Variants in PPFIA2 observed in about 807,000 individuals in gnomAD.
PPFIA2 encodes liprin-alpha-2.
A neutral mutation model predicts 175.5 loss-of-function variants in PPFIA2; 46 were observed. That is an observed-to-expected ratio of 0.26 (90% CI 0.21 to 0.34). The LOEUF (loss-of-function observed/expected upper bound fraction) is 0.34, where lower values mean the gene tolerates loss of function less well. PPFIA2 is among the 10% of genes least tolerant of loss of function. The probability of loss-of-function intolerance (pLI) is 1.00; values close to 1 mark genes in which losing one functional copy is unlikely to be tolerated. For synonymous variants in PPFIA2, 568 were observed against 511.4 expected, an observed-to-expected ratio of 1.11 and a Z score of -1.49; for missense variants, 1,179 against 1,506.1, an observed-to-expected ratio of 0.78 and a Z score of 3.60.
At chr12:81,351,026 G>A (rs2059914977) in intron 17 of PPFIA2, among the ~76,000 whole-genome samples, 1 of 152,220 alleles carries the variant, frequency 6.6e-6, no homozygotes, top group Admixed American at 6.5e-5. Flanking sequence ...CATCACTGGG[G>A]TTAGTCAAGG....
chr12:81,691,754 T>C (rs1434641464), intron 3 of PPFIA2, among the ~76,000 whole-genome samples: 1 of 152,066 alleles, frequency 6.6e-6, no homozygotes, highest in African/African-American at 2.4e-5. Flanking sequence ...TAATTAGCTG[T>C]GGAAAGGAGA....
chr12:81,514,899 A>G (rs2062216497), intron 4 of PPFIA2, among the ~76,000 whole-genome samples: 1 of 151,910 alleles, frequency 6.6e-6, no homozygotes, highest in African/African-American at 2.4e-5. Flanking sequence ...TTATGCTTTT[A>G]TTATAGAGAA....
At chr12:81,741,692 G>T (rs2082343475) in intron 3 of PPFIA2, among the ~76,000 whole-genome samples, 1 of 151,316 alleles carries the variant, frequency 6.6e-6, no homozygotes, top group Admixed American at 6.6e-5. Context: ...TTTATGTGTG[G>T]CCCAAGACAA....
intron 3 of PPFIA2, among the ~76,000 whole-genome samples, chr12:81,713,666 G>A (rs978620422): frequency 1.3e-5 from 2 of 151,096 alleles, no homozygotes; most frequent in African/African-American, 4.8e-5. Context: ...TGTGCTAGTG[G>A]TGTCTCATAG....
At chr12:81,720,607 AAT>A (rs1355894883) in intron 3 of PPFIA2, among the ~76,000 whole-genome samples, 1 of 151,306 alleles carries the variant, frequency 6.6e-6, no homozygotes, top group Non-Finnish European at 1.5e-5. Flanking sequence ...CTGTGACTCA[AAT>A]TAGGCTGCCT....
At chr12:81,731,576 C>G (rs1356023813) in intron 3 of PPFIA2, among the ~76,000 whole-genome samples, 1 of 151,540 alleles carries the variant, frequency 6.6e-6, no homozygotes, top group Non-Finnish European at 1.5e-5. Context: ...TTTAAAGACA[C>G]TTCAGTTAAT....
At chr12:81,443,660 T>C (rs887514005) in intron 6 of PPFIA2, among the ~76,000 whole-genome samples, 5 of 152,078 alleles carry the variant, frequency 3.3e-5, no homozygotes, top group African/African-American at 1.2e-4. Flanking sequence ...TATGGGACCA[T>C]CTCAAATCAT....
intron 4 of PPFIA2, chr12:81,505,986 G>T (rs2061125828): frequency 6.6e-6 from 1 of 152,210 alleles, no homozygotes; most frequent in African/African-American, 2.4e-5. Context: ...AAGAAGACCA[G>T]AGCAGGGCTG....
intron 4 of PPFIA2, among the ~76,000 whole-genome samples, chr12:81,603,776 AT>A: frequency 6.7e-6 from 1 of 148,214 alleles, no homozygotes. Flanking sequence ...GAACATTGAT[AT>A]TTAAGAAAGT....
intron 27 of PPFIA2, among the ~76,000 whole-genome samples, chr12:81,277,684 CTT>C (rs1263458901): frequency 1.3e-5 from 2 of 152,132 alleles, no homozygotes; most frequent in Non-Finnish European, 2.9e-5. Context: ...ATCTATGTGT[CTT>C]TGTCTTTCAT....
At chr12:81,520,392 T>G (rs2062974986) in intron 4 of PPFIA2, among the ~76,000 whole-genome samples, 1 of 152,172 alleles carries the variant, frequency 6.6e-6, no homozygotes, top group South Asian at 2.1e-4. Flanking sequence ...ATTTCTGGAA[T>G]TTTCCATTTA....
chr12:81,478,196 T>C (rs181339619), intron 4 of PPFIA2, among the ~76,000 whole-genome samples: 2 of 152,336 alleles, frequency 1.3e-5, no homozygotes, highest in South Asian at 2.1e-4. Flanking sequence ...TTTATTTGCA[T>C]AGAGATGTTT....
At chr12:81,298,505 T>A (rs2047035749) in intron 23 of PPFIA2, 1 of 152,216 alleles carries the variant, frequency 6.6e-6, no homozygotes, top group African/African-American at 2.4e-5. Context: ...TAATTACCTC[T>A]GGCAGGCAAG....
chr12:81,515,682 T>C (rs926134891), intron 4 of PPFIA2, among the ~76,000 whole-genome samples: 1 of 152,084 alleles, frequency 6.6e-6, no homozygotes, highest in Admixed American at 6.6e-5. Flanking sequence ...CTTCAAAACT[T>C]ACCTCCCCCA....
intron 22 of PPFIA2, among the ~76,000 whole-genome samples, chr12:81,311,329 A>G (rs1380228945): frequency 3.9e-5 from 6 of 152,196 alleles, no homozygotes; most frequent in African/African-American, 1.4e-4. Context: ...GGCTCTCTAT[A>G]TGTAAAAGCT....
intron 7 of PPFIA2, among the ~76,000 whole-genome samples, chr12:81,414,449 G>GA (rs1272786827): frequency 1.3e-5 from 2 of 151,146 alleles, no homozygotes; most frequent in Admixed American, 6.6e-5. Context: ...AACTTACCCT[G>GA]AAAAAAAATT....
intron 4 of PPFIA2, among the ~76,000 whole-genome samples, chr12:81,524,275 G>C (rs1450750149): frequency 6.6e-6 from 1 of 152,092 alleles, no homozygotes; most frequent in Admixed American, 6.6e-5. Context: ...TCTGGTGTGG[G>C]CCGCACCCAG....
chr12:81,531,803 C>G (rs1020073012), intron 4 of PPFIA2, among the ~76,000 whole-genome samples: 1 of 151,598 alleles, frequency 6.6e-6, no homozygotes, highest in Non-Finnish European at 1.5e-5. Flanking sequence ...TGGAGAAGGA[C>G]TGGAGGCAAA....
intron 13 of PPFIA2, among the ~76,000 whole-genome samples, chr12:81,367,671 TAAC>T (rs1195634373): frequency 6.6e-6 from 1 of 151,570 alleles, no homozygotes; most frequent in African/African-American, 2.4e-5. Context: ...ATTAGAGAAA[TAAC>T]AAACTCTAGC....
Sources: gnomAD v4.1 joint callset for allele counts (sites outside exome capture counted in the v4.1 genomes callset) on GRCh38, gnomAD v4.1.1 for gene constraint, MANE v1.5 for transcripts, NCBI Gene and HGNC (gene_info 2026-07-23, HGNC 2026-07-21) for gene names.